PHACTR3: variants seen among roughly 807,000 people sequenced by gnomAD.
PHACTR3 encodes phosphatase and actin regulator 3.
In PHACTR3, 16 loss-of-function variants were observed where a neutral mutation model predicts 66.8. The ratio of observed to expected loss-of-function variants is 0.24; its 90% CI spans 0.16 to 0.36. PHACTR3 has a LOEUF of 0.36. Ranked by LOEUF, PHACTR3 falls within the 10% of genes least tolerant of loss-of-function variation. The pLI is 1.00. For synonymous variants in PHACTR3, 323 were observed against 292.1 expected, an observed-to-expected ratio of 1.11 and a Z score of -1.08; for missense variants, 647 against 719.9, an observed-to-expected ratio of 0.90 and a Z score of 1.16.
At chr20:59,689,096 CT>C (rs2037004917) in intron 1 of PHACTR3, among the ~76,000 whole-genome samples, 1 of 152,204 alleles carries the variant, frequency 6.6e-6, no homozygotes, top group Non-Finnish European at 1.5e-5. Context: ...AAATGCGTGT[CT>C]TAAGAGCCAA....
chr20:59,588,611 C>A (rs534229872), intron 1 of PHACTR3, among the ~76,000 whole-genome samples: 3 of 152,350 alleles, frequency 2.0e-5, no homozygotes, highest in Non-Finnish European at 4.4e-5. Context: ...TGTCCCCATC[C>A]TCAGCCTCCC....
intron 1 of PHACTR3, among the ~76,000 whole-genome samples, chr20:59,610,142 C>G (rs191444534): frequency 6.6e-6 from 1 of 152,168 alleles, no homozygotes; most frequent in Non-Finnish European, 1.5e-5. Context: ...GTCGTCCCAG[C>G]TACTTGGGGG....
chr20:59,619,803 G>T (rs917608826), intron 1 of PHACTR3, among the ~76,000 whole-genome samples: 3 of 152,320 alleles, frequency 2.0e-5, no homozygotes, highest in Middle Eastern at 3.4e-3. Context: ...TGAAGGGATC[G>T]TCCTGGTCAC....
intron 9 of PHACTR3, 111 bp downstream of exon 9, chr20:59,836,671 C>T: frequency 9.4e-7 from 1 of 1,060,034 alleles, no homozygotes; most frequent in Non-Finnish European, 1.4e-6. Context: ...ATGCTCCATG[C>T]TCCCAGTAAA....
intron 1 of PHACTR3, among the ~76,000 whole-genome samples, chr20:59,682,304 C>T (rs560758160): frequency 6.6e-6 from 1 of 152,222 alleles, no homozygotes; most frequent in South Asian, 2.1e-4. Flanking sequence ...CATGGTGCTG[C>T]ACTCCAGCCT....
chr20:59,630,124 G>A (rs1267823647), intron 1 of PHACTR3, among the ~76,000 whole-genome samples: 1 of 152,120 alleles, frequency 6.6e-6, no homozygotes, highest in Non-Finnish European at 1.5e-5. Flanking sequence ...ATTTTAGGTG[G>A]TAAATGAACT....
chr20:59,773,152 C>G, intron 5 of PHACTR3, 127 bp from the exon 6 acceptor site: 1 of 1,053,214 alleles, frequency 9.5e-7, no homozygotes, highest in South Asian at 1.5e-5. Flanking sequence ...AGCATCTTGG[C>G]ATTAGTTGGG....
At chr20:59,831,179 C>T (rs1600735231) in intron 8 of PHACTR3, among the ~76,000 whole-genome samples, 1 of 152,258 alleles carries the variant, frequency 6.6e-6, no homozygotes, top group Non-Finnish European at 1.5e-5. Context: ...CCCCTTGGCC[C>T]CCAGAAATGA....
At chr20:59,635,051 C>G (rs530196586) in intron 1 of PHACTR3, among the ~76,000 whole-genome samples, 25 of 152,108 alleles carry the variant, frequency 1.6e-4, no homozygotes, top group Non-Finnish European at 3.4e-4. Flanking sequence ...AGGGAGAAGG[C>G]TGCTCCTTGC....
intron 1 of PHACTR3, among the ~76,000 whole-genome samples, chr20:59,741,896 G>A (rs2039175090): frequency 6.6e-6 from 1 of 151,998 alleles, no homozygotes; most frequent in African/African-American, 2.4e-5. Context: ...CTGAGTAGCT[G>A]GGATTACAGG....
chr20:59,667,946 A>G (rs1389936185), intron 1 of PHACTR3, among the ~76,000 whole-genome samples: 2 of 152,240 alleles, frequency 1.3e-5, no homozygotes, highest in African/African-American at 2.4e-5. Context: ...GGGCAGTGCT[A>G]GGAAAGTCGC....
At chr20:59,766,004 G>A (rs1476656636) in intron 4 of PHACTR3, among the ~76,000 whole-genome samples, 2 of 152,224 alleles carry the variant, frequency 1.3e-5, no homozygotes, top group African/African-American at 4.8e-5. Context: ...AAGTGAGGGA[G>A]TGCTGGTCCC....
At chr20:59,768,656 G>A (rs990611202) in intron 5 of PHACTR3, among the ~76,000 whole-genome samples, 1 of 152,246 alleles carries the variant, frequency 6.6e-6, no homozygotes, top group Non-Finnish European at 1.5e-5. Context: ...GAGACAAGGA[G>A]AGCCCGGGCA....
intron 7 of PHACTR3, 21 bp from the exon 8 acceptor site, chr20:59,806,020 T>C (rs1399972074): frequency 1.2e-6 from 2 of 1,608,856 alleles, no homozygotes; most frequent in Non-Finnish European, 8.5e-7. Flanking sequence ...TCTCTCCTCT[T>C]GCCCTGGATG....
intron 1 of PHACTR3, among the ~76,000 whole-genome samples, chr20:59,692,117 C>T (rs893890580): frequency 2.5e-4 from 38 of 152,082 alleles, no homozygotes; most frequent in Non-Finnish European, 4.9e-4. Flanking sequence ...TGGTCAAAGT[C>T]GGAAGGAAGT....
chr20:59,762,546 G>C (rs1292915128), intron 4 of PHACTR3, among the ~76,000 whole-genome samples: 1 of 152,224 alleles, frequency 6.6e-6, no homozygotes, highest in Admixed American at 6.5e-5. Flanking sequence ...AAGTGCTACT[G>C]GGTAGTACCG....
At chr20:59,580,748 G>A (rs2032833827) in intron 1 of PHACTR3, among the ~76,000 whole-genome samples, 1 of 152,150 alleles carries the variant, frequency 6.6e-6, no homozygotes, top group Non-Finnish European at 1.5e-5. Flanking sequence ...CTCCCTGGAG[G>A]CTATAACTCT....
chr20:59,764,785 G>T (rs868037378), intron 4 of PHACTR3, among the ~76,000 whole-genome samples: 41 of 152,182 alleles, frequency 2.7e-4, no homozygotes, highest in African/African-American at 9.9e-4. Context: ...AGCAGGGTGT[G>T]GATGCAAGGA....
At chr20:59,638,566 T>TGGGA (rs1366070385) in intron 1 of PHACTR3, among the ~76,000 whole-genome samples, 1 of 26,714 alleles carries the variant, frequency 3.7e-5, no homozygotes, top group African/African-American at 1.2e-4. Flanking sequence ...GATAGGTGGG[T>TGGGA]GGGTGGGTGC....
Sources: gnomAD v4.1 joint callset for allele counts (sites outside exome capture counted in the v4.1 genomes callset) on GRCh38, gnomAD v4.1.1 for gene constraint, MANE v1.5 for transcripts, NCBI Gene and HGNC (gene_info 2026-07-23, HGNC 2026-07-21) for gene names.